ARHGAP29: variants seen among roughly 807,000 people sequenced by gnomAD.
ARHGAP29 encodes rho GTPase-activating protein 29.
ARHGAP29 carries 43 observed loss-of-function variants against 122.6 expected under a neutral mutation model. That is an observed-to-expected ratio of 0.35 (90% CI 0.27 to 0.45). ARHGAP29 has a LOEUF of 0.45. Among genes scored for constraint, ARHGAP29 ranks in the 20% least tolerant of loss-of-function variants. The pLI is 1.00. For missense variants in ARHGAP29, 1,303 were observed against 1,477.2 expected (o/e 0.88, Z 1.93); for synonymous variants, 506 against 497.1 (o/e 1.02, Z -0.24).
the ARHGAP29 span, among the ~76,000 whole-genome samples, chr1:94,313,556 T>C: frequency 1.3e-3 from 203 of 152,314 alleles, no homozygotes; most frequent in African/African-American, 4.1e-3. Flanking sequence ...AGTTCAACCA[T>C]TGTGGAAGAC....
intron 8 of ARHGAP29, 142 bp downstream of exon 8, chr1:94,203,787 TA>T: frequency 1.4e-6 from 1 of 690,512 alleles, no homozygotes; most frequent in African/African-American, 1.8e-5. Flanking sequence ...GACATCCATC[TA>T]AACTTAAAAT....
At chr1:94,187,904 C>A (rs1649901891) in intron 15 of ARHGAP29, among the ~76,000 whole-genome samples, 2 of 152,034 alleles carry the variant, frequency 1.3e-5, no homozygotes. Context: ...AGCCTAAGAA[C>A]CCAGTGCTGC....
chr1:94,199,900 A>G (rs1212186229), intron 12 of ARHGAP29, among the ~76,000 whole-genome samples: 3 of 152,200 alleles, frequency 2.0e-5, no homozygotes, highest in Non-Finnish European at 2.9e-5. Flanking sequence ...TCACTCCGAT[A>G]AAGTAACATC....
chr1:94,285,509 C>A, the ARHGAP29 span, among the ~76,000 whole-genome samples: 2 of 152,102 alleles, frequency 1.3e-5, no homozygotes, highest in African/African-American at 4.8e-5. Context: ...TCAATGAAGG[C>A]ATTCTGGAGG....
At chr1:94,177,823 T>A in intron 21 of ARHGAP29, 29 bp downstream of exon 21, 1 of 1,576,436 alleles carries the variant, frequency 6.3e-7, no homozygotes, top group Non-Finnish European at 8.6e-7. Context: ...TACAAAGTTC[T>A]AATATAATTC....
chr1:94,286,111 G>C, the ARHGAP29 span, among the ~76,000 whole-genome samples: 54 of 152,256 alleles, frequency 3.5e-4, no homozygotes, highest in Non-Finnish European at 6.8e-4. Flanking sequence ...TCTTACATTA[G>C]AGTGCCAGCA....
chr1:94,190,186 G>T, intron 12 of ARHGAP29, 103 bp from the exon 13 acceptor site: 1 of 1,209,602 alleles, frequency 8.3e-7, no homozygotes, highest in Non-Finnish European at 1.2e-6. Flanking sequence ...GCCATACAGT[G>T]AAGCATACAA....
At chr1:94,268,965 C>T (rs1170792663) in intron 1 of ARHGAP29, among the ~76,000 whole-genome samples, 1 of 152,050 alleles carries the variant, frequency 6.6e-6, no homozygotes, top group Non-Finnish European at 1.5e-5. Flanking sequence ...CATATAAAGG[C>T]ACATCCATAT....
chr1:94,185,131 A>C, intron 17 of ARHGAP29, 71 bp from the exon 18 acceptor site: 1 of 1,406,910 alleles, frequency 7.1e-7, no homozygotes, highest in Non-Finnish European at 9.6e-7. Flanking sequence ...TGCAGGTGGA[A>C]GGTAACACAA....
the ARHGAP29 span, among the ~76,000 whole-genome samples, chr1:94,314,512 T>A: frequency 2.0e-5 from 3 of 152,152 alleles, no homozygotes; most frequent in Non-Finnish European, 4.4e-5. Context: ...CTCTCTCCTT[T>A]CCCTCGGCTT....
intron 2 of ARHGAP29, among the ~76,000 whole-genome samples, chr1:94,228,036 C>T (rs1049709983): frequency 3.3e-5 from 5 of 151,720 alleles, no homozygotes; most frequent in Non-Finnish European, 3.0e-5. Context: ...AAGAGAATTA[C>T]CAAACTCTGT....
chr1:94,253,631 AACAC>A (rs201347761), intron 1 of ARHGAP29, among the ~76,000 whole-genome samples: 107 of 132,844 alleles, frequency 8.1e-4, no homozygotes, highest in Non-Finnish European at 1.1e-3. Context: ...AGGCATCTGG[AACAC>A]ACACGCACGC....
intron 12 of ARHGAP29, chr1:94,193,112 A>T (rs1273050603): frequency 6.6e-6 from 1 of 152,172 alleles, no homozygotes; most frequent in African/African-American, 2.4e-5. Flanking sequence ...TAAGATATAA[A>T]GAAACAAAAG....
intron 3 of ARHGAP29, among the ~76,000 whole-genome samples, chr1:94,209,859 C>CA (rs1427659648): frequency 1.3e-5 from 2 of 151,676 alleles, no homozygotes; most frequent in African/African-American, 4.8e-5. Flanking sequence ...TGTAACAAAG[C>CA]ACATCACATT....
the ARHGAP29 span, among the ~76,000 whole-genome samples, chr1:94,293,751 T>TGCCCTCCATGGGTGTGCC: frequency 6.6e-6 from 1 of 152,136 alleles, no homozygotes; most frequent in Non-Finnish European, 1.5e-5. Context: ...ACAACTTCCA[T>TGCCCTCCATGGGTGTGCC]GCCCTCCATG....
Position 94,177,599 on chromosome 1 carries a change from C to T in ARHGAP29, c.2905+13G>A. ...AGCCAGCAAACATATTTTTTTTTTA[C>T]ATGGCTACTCACCACTGAGACATGC... is the stretch of plus-strand genomic sequence containing the variant. On this transcript the variant is annotated intron_variant, in intron 22 of 22. Coordinates refer to ENST00000260526, the MANE Select transcript of ARHGAP29 (RefSeq NM_004815.4). 4 of 1,559,946 alleles carry T rather than the reference C, an allele frequency of 2.6e-6. No individual in the cohort carries two copies. In the Admixed American group the frequency reaches 5.8e-5, roughly 23 times the overall value.
intron 1 of ARHGAP29, among the ~76,000 whole-genome samples, chr1:94,263,339 G>A (rs1216246559): frequency 6.6e-6 from 1 of 151,696 alleles, no homozygotes; most frequent in East Asian, 1.9e-4. Context: ...ACAAACCCCT[G>A]TGACACAAAT....
intron 22 of ARHGAP29, among the ~76,000 whole-genome samples, chr1:94,174,981 A>G (rs779370516): frequency 2.0e-5 from 3 of 152,220 alleles, no homozygotes; most frequent in Non-Finnish European, 4.4e-5. Flanking sequence ...ACAGCTACAA[A>G]ACACAAAAAA....
intron 1 of ARHGAP29, among the ~76,000 whole-genome samples, chr1:94,258,523 G>A (rs1027444316): frequency 2.6e-5 from 4 of 152,170 alleles, no homozygotes; most frequent in African/African-American, 4.8e-5. Context: ...CCTCTTTGGA[G>A]ACCTTAGCTC....
Sources: gnomAD v4.1 joint callset for allele counts (sites outside exome capture counted in the v4.1 genomes callset) on GRCh38, gnomAD v4.1.1 for gene constraint, MANE v1.5 for transcripts, NCBI Gene and HGNC (gene_info 2026-07-23, HGNC 2026-07-21) for gene names.